The following PDE7B variants were observed in gnomAD, a reference collection of about 807,000 sequenced individuals.
PDE7B encodes the protein phosphodiesterase 7B, also known as 3',5'-cyclic-AMP phosphodiesterase 7B.
A neutral mutation model predicts 56.2 loss-of-function variants in PDE7B; 29 were observed. The ratio of observed to expected loss-of-function variants is 0.52; its 90% CI spans 0.38 to 0.70. PDE7B has a LOEUF of 0.70. Ranked by LOEUF, PDE7B falls within the 30% of genes least tolerant of loss-of-function variation. The pLI is 0.00. For missense variants in PDE7B, 490 were observed against 565.0 expected, an observed-to-expected ratio of 0.87 and a Z score of 1.35; for synonymous variants, 197 against 196.9, an observed-to-expected ratio of 1.00 and a Z score of 0.00.
intron 1 of PDE7B, among the ~76,000 whole-genome samples, chr6:135,894,812 A>C (rs931844332): frequency 3.9e-5 from 6 of 152,292 alleles, no homozygotes; most frequent in African/African-American, 1.4e-4. Context: ...AAATATGGGA[A>C]CATGTTTACC....
chr6:136,152,908 C>T (rs1778544207), intron 6 of PDE7B, among the ~76,000 whole-genome samples: 1 of 152,194 alleles, frequency 6.6e-6, no homozygotes, highest in Admixed American at 6.5e-5. Flanking sequence ...ACTTTGAGCT[C>T]AGAGCTATTG....
At chr6:136,052,264 G>A (rs116741020) in intron 2 of PDE7B, among the ~76,000 whole-genome samples, 1,568 of 152,254 alleles carry the variant, frequency 0.01, 30 homozygotes, top group African/African-American at 0.034. Flanking sequence ...GAACTTCCTA[G>A]CAGACAGGGC....
intron 3 of PDE7B, among the ~76,000 whole-genome samples, chr6:136,132,130 C>T (rs769263912): frequency 4.6e-5 from 7 of 151,982 alleles, no homozygotes; most frequent in Non-Finnish European, 8.8e-5. Flanking sequence ...GTTGTACAGC[C>T]GACCTCTACA....
chr6:135,893,718 T>A (rs533875637), intron 1 of PDE7B, among the ~76,000 whole-genome samples: 1 of 152,146 alleles, frequency 6.6e-6, no homozygotes, highest in South Asian at 2.1e-4. Context: ...TTCTTAATCA[T>A]CCTGTGTCTC....
At chr6:136,106,009 C>T (rs1323228546) in intron 2 of PDE7B, among the ~76,000 whole-genome samples, 2 of 152,006 alleles carry the variant, frequency 1.3e-5, no homozygotes. Context: ...AATCCACAAG[C>T]CCAGCCAGCT....
intron 1 of PDE7B, among the ~76,000 whole-genome samples, chr6:135,867,104 G>A (rs1009848354): frequency 6.6e-6 from 1 of 152,088 alleles, no homozygotes; most frequent in African/African-American, 2.4e-5. Context: ...TTAGCCTAGA[G>A]TCCAATCATT....
chr6:135,905,485 T>G (rs1422143926), intron 1 of PDE7B, among the ~76,000 whole-genome samples: 4 of 152,152 alleles, frequency 2.6e-5, no homozygotes, highest in African/African-American at 9.7e-5. Context: ...GGCTAAATGC[T>G]TAAAACATCC....
chr6:136,102,511 C>T (rs1337468428), intron 2 of PDE7B, among the ~76,000 whole-genome samples: 2 of 152,190 alleles, frequency 1.3e-5, no homozygotes, highest in African/African-American at 4.8e-5. Context: ...GTTTTCATTA[C>T]TGAAGGCAGA....
At chr6:136,081,126 G>A (rs1191867347) in intron 2 of PDE7B, among the ~76,000 whole-genome samples, 1 of 152,174 alleles carries the variant, frequency 6.6e-6, no homozygotes, top group South Asian at 2.1e-4. Flanking sequence ...TCACCCTGAA[G>A]GTGATACAGT....
chr6:135,905,302 A>C (rs1776077494), intron 1 of PDE7B, among the ~76,000 whole-genome samples: 1 of 151,692 alleles, frequency 6.6e-6, no homozygotes, highest in Non-Finnish European at 1.5e-5. Flanking sequence ...AGACTGATGT[A>C]ATTCTCAATG....
In PDE7B at chr6:135,969,715, A is replaced by C. The variant is rs1216761300; in HGVS notation, c.82+22191A>C. On this transcript the variant is annotated intron_variant, in intron 2 of 12. Transcript: ENST00000308191. Reference sequence around the variant, plus strand: ...ACCATTCAGGACATAGGTACAGGCAAAGATTTCATGATGAAAACATCAAAA... The same window carrying C: ...ACCATTCAGGACATAGGTACAGGCACAGATTTCATGATGAAAACATCAAAA... Among the ~76,000 whole-genome samples the C allele has an allele frequency of 3.9e-5, 6 of 152,214 alleles. No individual in the cohort carries two copies. In the South Asian group the frequency reaches 1.2e-3, roughly 32 times the overall value.
At chr6:136,091,720 T>A (rs570909286) in intron 2 of PDE7B, among the ~76,000 whole-genome samples, 1 of 152,372 alleles carries the variant, frequency 6.6e-6, no homozygotes, top group African/African-American at 2.4e-5. Flanking sequence ...GCAACCAATG[T>A]GCTGTGAATG....
At chr6:135,925,186 C>T (rs1181580684) in intron 1 of PDE7B, among the ~76,000 whole-genome samples, 1 of 151,974 alleles carries the variant, frequency 6.6e-6, no homozygotes, top group Non-Finnish European at 1.5e-5. Context: ...AAATACCCAA[C>T]AAACATTATG....
intron 1 of PDE7B, among the ~76,000 whole-genome samples, chr6:135,925,813 A>AT (rs1357968366): frequency 3.3e-5 from 5 of 151,894 alleles, no homozygotes; most frequent in Admixed American, 6.6e-5. Flanking sequence ...TAGCCTGACT[A>AT]TTTTTTCCCT....
chr6:136,069,684 CAGTTAT>C (rs138581247), intron 2 of PDE7B, among the ~76,000 whole-genome samples: 159 of 152,110 alleles, frequency 1.0e-3, no homozygotes, highest in Middle Eastern at 3.4e-3. Flanking sequence ...CTATAATATA[CAGTTAT>C]AAAGTGTGAA....
At position 135,991,046 on chromosome 6, in the gene PDE7B, T is replaced by C. The variant is rs377412046; in HGVS notation, c.82+43522T>C. 9.2e-5 allele frequency among the ~76,000 whole-genome samples: 14 copies of C among 152,348 alleles called. 1 individual carries two copies. Among genetic ancestry groups the C allele is most frequent in the Admixed American group, 5.2e-4 (8 of 15,308 alleles). ...TAGACCATATAGAGTAACTTGCTTA[T>C]GTTGCCATGGCATTTGTAAACTGTC... On this transcript the variant is annotated intron_variant, in intron 2 of 12. Transcript: ENST00000308191.
chr6:135,897,521 G>A (rs1209660600), intron 1 of PDE7B, among the ~76,000 whole-genome samples: 1 of 152,180 alleles, frequency 6.6e-6, no homozygotes. Flanking sequence ...CCAGGGAGCT[G>A]ATAACAACAG....
chr6:135,996,767 A>G (rs1775572035), intron 2 of PDE7B, among the ~76,000 whole-genome samples: 1 of 152,192 alleles, frequency 6.6e-6, no homozygotes, highest in African/African-American at 2.4e-5. Flanking sequence ...TAGTTACCCT[A>G]CTTCTTTTCC....
chr6:135,990,296 A>G (rs982032114), intron 2 of PDE7B, among the ~76,000 whole-genome samples: 8 of 152,054 alleles, frequency 5.3e-5, no homozygotes, highest in African/African-American at 1.9e-4. Context: ...GGGTTTCACC[A>G]TGTTGGCCTG....
Sources: allele counts gnomAD v4.1 joint callset (sites outside exome capture counted in the v4.1 genomes callset), GRCh38; gene constraint gnomAD v4.1.1; transcripts MANE v1.5; gene names NCBI Gene and HGNC (gene_info 2026-07-23, HGNC 2026-07-21).